Variants in SEMA4F observed in about 807,000 individuals in gnomAD.
SEMA4F encodes the protein semaphorin-4F.
In SEMA4F, 51 loss-of-function variants were observed where a neutral mutation model predicts 78.4. That is an observed-to-expected ratio of 0.65 (90% CI 0.52 to 0.82). The LOEUF is 0.82. Among genes scored for constraint, SEMA4F ranks in the 40% least tolerant of loss-of-function variants. The pLI is 0.00. For missense variants in SEMA4F, 938 were observed against 1,014.4 expected (o/e 0.92, Z 1.02); for synonymous variants, 418 against 408.7 (o/e 1.02, Z -0.27).
At chr2:74,656,814 T>C (rs1219846174) in intron 2 of SEMA4F, 129 bp downstream of exon 2, 5 of 910,592 alleles carry the variant, frequency 5.5e-6, no homozygotes, top group African/African-American at 3.4e-5. Context: ...AGGGGGTGAG[T>C]TGGGAGACAT....
In SEMA4F at chr2:74,656,705, A is replaced by G. The variant is rs1231669364; in HGVS notation, c.297+20A>G. The G allele has an allele frequency of 1.9e-6, 3 of 1,613,148 alleles. No individual in the cohort carries two copies. The highest frequency in any genetic ancestry group is 2.5e-6 in the Non-Finnish European group (3 of 1,179,338). ...CGCAGGGTGAGAGACAAGAGAGGGAAGGACCCCTGACCCTGTAGCATGTGA... is the reference window on the plus strand; with the variant it reads ...CGCAGGGTGAGAGACAAGAGAGGGAGGGACCCCTGACCCTGTAGCATGTGA... On this transcript the variant is annotated intron_variant, in intron 2 of 13. Transcript: ENST00000357877.
chr2:74,661,773 T>C (rs575732608), intron 4 of SEMA4F, among the ~76,000 whole-genome samples: 1 of 152,170 alleles, frequency 6.6e-6, no homozygotes, highest in Non-Finnish European at 1.5e-5. Context: ...AGTACACTTA[T>C]TTTTCAGGGG....
chr2:74,704,867 C>G, the SEMA4F span, among the ~76,000 whole-genome samples: 1 of 152,138 alleles, frequency 6.6e-6, no homozygotes, highest in Non-Finnish European at 1.5e-5. Flanking sequence ...TATGATTTGC[C>G]CTGCTCTTCT....
At chr2:74,660,879 T>C (rs540487589) in intron 4 of SEMA4F, among the ~76,000 whole-genome samples, 1 of 152,226 alleles carries the variant, frequency 6.6e-6, no homozygotes, top group South Asian at 2.1e-4. Context: ...AGATATCAGA[T>C]TTGGAGAGTT....
intron 3 of SEMA4F, 61 bp from the exon 4 acceptor site, chr2:74,657,792 T>C: frequency 6.6e-7 from 1 of 1,519,060 alleles, no homozygotes; most frequent in African/African-American, 1.4e-5. Context: ...TGTCCTGACG[T>C]TACCTTACCC....
chr2:74,674,957 C>T lies in SEMA4F; in HGVS notation c.1071C>T (p.Pro357=), dbSNP rs748691898. 6.2e-7 allele frequency: 1 copy of T among 1,613,966 alleles called. No individual in the cohort carries two copies. The highest frequency in any genetic ancestry group is 1.3e-5 in the African/African-American group (1 of 74,934). ...PQDIRTVLNG[P]FRELKHDCNR... is the part of the protein sequence containing the mutation. ...ACATTCGGACAGTGCTGAATGGTCCCTTCAGAGAACTAAAACATGACTGCA... is the reference window on the plus strand; with the variant it reads ...ACATTCGGACAGTGCTGAATGGTCCTTTCAGAGAACTAAAACATGACTGCA... The change falls in exon 9 of 14, where the codon CCC becomes CCT. Residue 357 remains proline, a synonymous_variant. Transcript: ENST00000357877.
the SEMA4F span, among the ~76,000 whole-genome samples, chr2:74,689,603 A>T: frequency 6.6e-6 from 1 of 152,180 alleles, no homozygotes; most frequent in African/African-American, 2.4e-5. Context: ...TGGGAAAAAA[A>T]TCAATTATTC....
In SEMA4F at chr2:74,681,992, T is replaced by C. The variant is rs1685641094; in HGVS notation, c.*1783T>C. ...TCTGCGAAGTGGGGATAATAAAACC[T>C]ACCTCAGGGTTGCTTCAAGGATTAA... On this transcript the variant is annotated 3_prime_UTR_variant, in exon 14 of 14. Transcript: ENST00000357877. The C allele has an allele frequency of 1.3e-5, 2 of 152,588 alleles. No individual in the cohort carries two copies. Among genetic ancestry groups the C allele is most frequent in the Non-Finnish European group, 2.9e-5 (2 of 68,040 alleles). 9.5% of individuals were successfully genotyped at this position (152,588 alleles called of 1,614,324 possible). A position where few individuals can be genotyped will look rare whatever the true frequency, so the allele number is the denominator to read the frequency against.
At chr2:74,657,714 T>C in intron 3 of SEMA4F, 90 bp downstream of exon 3, 2 of 1,439,722 alleles carry the variant, frequency 1.4e-6, no homozygotes, top group Non-Finnish European at 9.8e-7. Context: ...TCCATACCAA[T>C]GGGCCCAGGC....
chr2:74,706,117 AT>A, the SEMA4F span, among the ~76,000 whole-genome samples: 7 of 152,146 alleles, frequency 4.6e-5, no homozygotes, highest in South Asian at 4.2e-4. Flanking sequence ...CATTTATTGA[AT>A]TTTTTTTAAC....
intron 5 of SEMA4F, among the ~76,000 whole-genome samples, chr2:74,669,212 G>A (rs1039239585): frequency 6.6e-6 from 1 of 152,136 alleles, no homozygotes; most frequent in African/African-American, 2.4e-5. Flanking sequence ...GGAGGCTGAG[G>A]TGGGAGAATT....
At position 74,675,505 on chromosome 2, in the gene SEMA4F, G is replaced by C. The variant is rs377346956; in HGVS notation, c.1373-20G>C. ...CAGGGGCAATTATGTAATTATTCTT[G>C]TTCCTTTCCTGTCCCCTAGAGGATG... On this transcript the variant is annotated intron_variant, in intron 10 of 13. Coordinates refer to ENST00000357877, the MANE Select transcript of SEMA4F (RefSeq NM_004263.5). 6 of 1,609,586 alleles carry C rather than the reference G, an allele frequency of 3.7e-6. No homozygotes were observed. The highest frequency in any genetic ancestry group is 2.7e-5 in the African/African-American group (2 of 74,828).
chr2:74,673,882 G>A (rs954369380), intron 7 of SEMA4F, 54 bp downstream of exon 7: 25 of 1,561,062 alleles, frequency 1.6e-5, no homozygotes, highest in East Asian at 9.0e-5. Flanking sequence ...TCTGTCCCCC[G>A]TCTTATCTTT....
chr2:74,705,387 A>G, the SEMA4F span, among the ~76,000 whole-genome samples: 1 of 152,236 alleles, frequency 6.6e-6, no homozygotes, highest in Admixed American at 6.5e-5. Context: ...CAAAAGATCT[A>G]AGTATTCAAA....
At chr2:74,704,933 C>T in the SEMA4F span, among the ~76,000 whole-genome samples, 1 of 152,192 alleles carries the variant, frequency 6.6e-6, no homozygotes, top group African/African-American at 2.4e-5. Flanking sequence ...TGGTCCTCCT[C>T]CTGCCCCTCA....
chr2:74,677,016 C>G (rs1432699267), intron 12 of SEMA4F, among the ~76,000 whole-genome samples: 2 of 152,132 alleles, frequency 1.3e-5, no homozygotes, highest in African/African-American at 4.8e-5. Context: ...ATTCTCCTGC[C>G]TCAGCCTCCC....
intron 5 of SEMA4F, among the ~76,000 whole-genome samples, chr2:74,665,489 A>G (rs903249905): frequency 7.2e-5 from 11 of 152,098 alleles, no homozygotes; most frequent in Non-Finnish European, 1.5e-4. Flanking sequence ...TCGGCATCTC[A>G]AGGTGCTGGG....
chr2:74,705,491 G>A, the SEMA4F span, among the ~76,000 whole-genome samples: 7 of 152,224 alleles, frequency 4.6e-5, no homozygotes, highest in African/African-American at 7.2e-5. Flanking sequence ...TATGGTCAAT[G>A]AAAGATGTTT....
Position 74,674,577 on chromosome 2 carries a change from A to C in SEMA4F, c.902A>C (p.Glu301Ala). 6.2e-7 allele frequency: 1 copy of C among 1,614,108 alleles called. No individual in the cohort carries two copies. The highest frequency in any genetic ancestry group is 8.5e-7 in the Non-Finnish European group (1 of 1,180,010). Residue 301 changes from glutamate (E) to alanine (A), a missense_variant, in exon 8 of 14, where the codon GAG becomes GCG. Transcript: ENST00000357877. The part of the protein sequence containing the change: ...LKADLLCPGP[E>A]HGRASSVLQD... Reference sequence around the variant, plus strand: ...GCTGACCTGCTCTGTCCAGGGCCTGAGCATGGCCGGGCCTCCAGTGTCCTG... The same window carrying C: ...GCTGACCTGCTCTGTCCAGGGCCTGCGCATGGCCGGGCCTCCAGTGTCCTG...
Sources: allele counts gnomAD v4.1 joint callset (sites outside exome capture counted in the v4.1 genomes callset), GRCh38; gene constraint gnomAD v4.1.1; transcripts MANE v1.5; gene names NCBI Gene and HGNC (gene_info 2026-07-23, HGNC 2026-07-21).